TATDN1: variants seen among roughly 807,000 people sequenced by gnomAD.
TATDN1 encodes the protein TatD DNase domain containing 1, also known as deoxyribonuclease TATDN1.
Under a neutral mutation model 46.4 loss-of-function variants are expected in TATDN1, and 40 were observed. That is an observed-to-expected ratio of 0.86 (90% CI 0.67 to 1.12). TATDN1 has a LOEUF of 1.12. Among genes scored for constraint, TATDN1 ranks in the 50% most tolerant of loss-of-function variants. The pLI, the probability that TATDN1 is intolerant of heterozygous loss-of-function variation, is 0.00. For synonymous variants in TATDN1, 95 were observed against 105.6 expected (o/e 0.90, Z 0.62); for missense variants, 326 against 348.4 (o/e 0.94, Z 0.51).
intron 9 of TATDN1, 72 bp from the exon 10 acceptor site, chr8:124,495,614 CT>C: frequency 7.9e-7 from 1 of 1,260,004 alleles, no homozygotes; most frequent in Non-Finnish European, 1.1e-6. Flanking sequence ...CACAACTTGT[CT>C]AAAATGCTAC....
rs992681192 is a variant in TATDN1, at chr8:124,508,482, C to T, written c.508G>A (p.Gly170Arg). Residue 170 changes from glycine to arginine, a missense_variant, in exon 8 of 12, where the codon GGG becomes AGG. Coordinates refer to ENST00000276692, the MANE Select transcript of TATDN1 (RefSeq NM_032026.4). ...IMKRNRDRCV[G>R]GVVHSFDGTK... is the part of the protein sequence containing the mutation. The stretch of plus-strand genomic sequence containing the variant: ...GACTATTTTATACTTACCACTCCCC[C>T]TACACACCGATCTCTATTTCTTTTC... The T allele has an allele frequency of 1.2e-6, 2 of 1,613,108 alleles. No individual in the cohort carries two copies. The highest frequency in any genetic ancestry group is 1.7e-6 in the Non-Finnish European group (2 of 1,179,344).
chr8:124,504,558 T>G, intron 8 of TATDN1: 1 of 340,978 alleles, frequency 2.9e-6, no homozygotes, highest in Non-Finnish European at 5.3e-6. Context: ...TGCAAAACGT[T>G]AGCTGCCGAG....
At chr8:124,515,237 C>G (rs1170848416) in intron 6 of TATDN1, among the ~76,000 whole-genome samples, 1 of 151,986 alleles carries the variant, frequency 6.6e-6, no homozygotes, top group Non-Finnish European at 1.5e-5. Flanking sequence ...AAAAATTAGC[C>G]GGGCATGGTG....
In TATDN1 at chr8:124,515,800, TAAA is replaced by T. The variant is rs762237327; in HGVS notation, c.347-15_347-13del. 36 of 1,613,656 alleles carry T rather than the reference TAAA, an allele frequency of 2.2e-5. No homozygotes were observed. The highest frequency in any genetic ancestry group is 3.0e-5 in the Non-Finnish European group (35 of 1,179,822). ...CAGTCGGTCAAAATCTTTAAAAAGA[TAAA>T]GAAGAATAATTACTCCTAACTTATA... is the stretch of plus-strand genomic sequence containing the variant. On this transcript the variant is annotated splice_polypyrimidine_tract_variant and intron_variant, in intron 5 of 11. Transcript: ENST00000276692.
intron 9 of TATDN1, among the ~76,000 whole-genome samples, chr8:124,498,303 T>C (rs1335607190): frequency 6.6e-6 from 1 of 152,172 alleles, no homozygotes; most frequent in African/African-American, 2.4e-5. Flanking sequence ...GGTAAGAGTA[T>C]AGGGAGCTAA....
At chr8:124,514,806 G>A (rs1819320263) in intron 6 of TATDN1, among the ~76,000 whole-genome samples, 1 of 152,208 alleles carries the variant, frequency 6.6e-6, no homozygotes, top group Non-Finnish European at 1.5e-5. Context: ...AGGGTCGTGA[G>A]CTTTGGAGTT....
intron 9 of TATDN1, among the ~76,000 whole-genome samples, chr8:124,502,829 C>T (rs1818093536): frequency 6.6e-6 from 1 of 152,124 alleles, no homozygotes; most frequent in Non-Finnish European, 1.5e-5. Context: ...CATAGCAAGA[C>T]CCTGTCTCAA....
chr8:124,529,497 G>A (rs185809032), intron 1 of TATDN1, among the ~76,000 whole-genome samples: 48 of 152,276 alleles, frequency 3.2e-4, no homozygotes, highest in African/African-American at 1.2e-3. Flanking sequence ...CTAACTGTAG[G>A]CTGCCGAGGC....
chr8:124,522,115 T>C (rs1023946263), intron 3 of TATDN1, 36 bp downstream of exon 3: 1 of 1,492,514 alleles, frequency 6.7e-7, no homozygotes, highest in Admixed American at 1.9e-5. Flanking sequence ...AAAAAATGAA[T>C]TTTAAAAATC....
intron 1 of TATDN1, among the ~76,000 whole-genome samples, chr8:124,529,335 GAATT>G (rs777576888): frequency 6.6e-6 from 1 of 152,132 alleles, no homozygotes; most frequent in Non-Finnish European, 1.5e-5. Context: ...CCAACACTCG[GAATT>G]AATATTCCCA....
At chr8:124,505,324 C>T (rs563238690) in intron 8 of TATDN1, among the ~76,000 whole-genome samples, 7 of 151,538 alleles carry the variant, frequency 4.6e-5, no homozygotes, top group Admixed American at 3.3e-4. Flanking sequence ...GCGGAGGTTG[C>T]GTTGAGCTGA....
rs200923611 is a variant in TATDN1 at position 124,526,023 on chromosome 8, T to G, written c.23-3021A>C. Among the ~76,000 whole-genome samples, 3 of 152,242 alleles carry G rather than the reference T, an allele frequency of 2.0e-5. No individual in the cohort carries two copies. In the East Asian group the frequency reaches 5.8e-4, roughly 29 times the overall value. On this transcript the variant is annotated intron_variant, in intron 1 of 11. Coordinates refer to ENST00000276692, the MANE Select transcript of TATDN1 (RefSeq NM_032026.4). ...CCCTTTGAGCTACATAATTACTTCT[T>G]GAAGCCGCTTGCTATGTGGGCTCTA...
intron 1 of TATDN1, among the ~76,000 whole-genome samples, chr8:124,527,441 G>A (rs751892745): frequency 6.6e-6 from 1 of 152,206 alleles, no homozygotes; most frequent in Non-Finnish European, 1.5e-5. Flanking sequence ...GAGTCTGGCT[G>A]TGGTGTCAGG....
At chr8:124,503,790 G>A (rs1448921269) in intron 9 of TATDN1, 5 of 606,376 alleles carry the variant, frequency 8.2e-6, no homozygotes, top group African/African-American at 7.6e-5. Flanking sequence ...AAAGATCACA[G>A]AGTGAGAAGC....
chr8:124,492,526 C>G (rs1013142989), intron 11 of TATDN1, among the ~76,000 whole-genome samples: 13 of 151,992 alleles, frequency 8.6e-5, no homozygotes, highest in Admixed American at 1.3e-4. Context: ...AATCCTAGCA[C>G]TTTGGGAGGC....
intron 4 of TATDN1, 117 bp downstream of exon 4, chr8:124,518,701 C>A: frequency 2.8e-6 from 2 of 721,296 alleles, no homozygotes; most frequent in Admixed American, 2.4e-5. Flanking sequence ...TAAATCAGTC[C>A]ATTTTCCTAT....
intron 4 of TATDN1, among the ~76,000 whole-genome samples, chr8:124,517,920 A>G (rs551295483): frequency 2.4e-4 from 36 of 152,148 alleles, no homozygotes; most frequent in African/African-American, 8.7e-4. Context: ...CATCAAAAAC[A>G]CCTGAGGTTG....
rs187791486 is a variant in TATDN1 at position 124,511,030 on chromosome 8, C to T, written c.390-2342G>A. On this transcript the variant is annotated intron_variant, in intron 6 of 11. Transcript: ENST00000276692. ...CTATTATCTTTAGAGAAGAAAAACC[C>T]GCCATGGTAACTAGAAATAACTGTA... Among the ~76,000 whole-genome samples the T allele has an allele frequency of 3.3e-4, 50 of 152,190 alleles. No homozygotes were observed. In the East Asian group the frequency reaches 7.2e-3, roughly 22 times the overall value.
chr8:124,517,785 C>T (rs994065016), intron 4 of TATDN1, among the ~76,000 whole-genome samples: 2 of 152,038 alleles, frequency 1.3e-5, no homozygotes, highest in African/African-American at 4.8e-5. Context: ...TTCCTGGTAC[C>T]TTGCACAGTA....
Sources: allele counts gnomAD v4.1 joint callset (sites outside exome capture counted in the v4.1 genomes callset), GRCh38; gene constraint gnomAD v4.1.1; transcripts MANE v1.5; gene names NCBI Gene and HGNC (gene_info 2026-07-23, HGNC 2026-07-21).